Variants in ZNF892 observed in about 807,000 individuals in gnomAD.
ZNF892 encodes zinc finger protein 570-like.
chr2:95,225,127 A>G, the ZNF892 span, among the ~76,000 whole-genome samples: 1 of 152,222 alleles, frequency 6.6e-6, no homozygotes. Context: ...CACTTACCAT[A>G]ATGTTTTCAT....
the ZNF892 span, among the ~76,000 whole-genome samples, chr2:95,241,197 T>G: frequency 1.3e-5 from 2 of 152,176 alleles, no homozygotes; most frequent in African/African-American, 4.8e-5. Flanking sequence ...CTAATCCCAT[T>G]TCTCCTGACT....
At chr2:95,225,323 G>T in the ZNF892 span, among the ~76,000 whole-genome samples, 2 of 152,190 alleles carry the variant, frequency 1.3e-5, no homozygotes. Context: ...ACAGATGGTA[G>T]TTTATAAGGG....
the ZNF892 span, among the ~76,000 whole-genome samples, chr2:95,208,483 C>T: frequency 1.3e-5 from 2 of 152,116 alleles, no homozygotes; most frequent in African/African-American, 4.8e-5. Context: ...TAGGAGGAGC[C>T]TGAGACAGCA....
chr2:95,262,882 A>T, the ZNF892 span, among the ~76,000 whole-genome samples: 4 of 152,268 alleles, frequency 2.6e-5, no homozygotes, highest in Non-Finnish European at 5.9e-5. Context: ...GCAAATAAAG[A>T]CAATAAGGAG....
At chr2:95,253,187 A>T in the ZNF892 span, among the ~76,000 whole-genome samples, 1 of 152,174 alleles carries the variant, frequency 6.6e-6, no homozygotes, top group Non-Finnish European at 1.5e-5. Context: ...GGTATTGCCT[A>T]GGTTTTCTTC....
At chr2:95,221,297 G>T in the ZNF892 span, among the ~76,000 whole-genome samples, 1 of 152,178 alleles carries the variant, frequency 6.6e-6, no homozygotes. Context: ...ATGGAATGAG[G>T]CTTTTTATCT....
At chr2:95,258,762 G>T in the ZNF892 span, among the ~76,000 whole-genome samples, 1 of 152,234 alleles carries the variant, frequency 6.6e-6, no homozygotes, top group East Asian at 1.9e-4. Flanking sequence ...AGCAAATGGG[G>T]CATCTTAACC....
the ZNF892 span, among the ~76,000 whole-genome samples, chr2:95,225,058 G>A: frequency 1.3e-5 from 2 of 152,104 alleles, no homozygotes; most frequent in East Asian, 1.9e-4. Flanking sequence ...ACCCATTATA[G>A]CATTCTGTCA....
At chr2:95,251,859 C>T in the ZNF892 span, among the ~76,000 whole-genome samples, 3 of 152,208 alleles carry the variant, frequency 2.0e-5, no homozygotes, top group East Asian at 1.9e-4. Context: ...GACAAGAAAA[C>T]GAAGACTCTT....
chr2:95,221,442 A>AT, the ZNF892 span, among the ~76,000 whole-genome samples: 1 of 151,974 alleles, frequency 6.6e-6, no homozygotes, highest in South Asian at 2.1e-4. Flanking sequence ...CTGGGATGCA[A>AT]TTTCGTGATT....
At chr2:95,255,648 C>T in the ZNF892 span, among the ~76,000 whole-genome samples, 1 of 152,124 alleles carries the variant, frequency 6.6e-6, no homozygotes, top group Non-Finnish European at 1.5e-5. Flanking sequence ...AACTTTCTGT[C>T]TCATTGATCT....
At chr2:95,207,784 G>T in the ZNF892 span, 3 of 398,658 alleles carry the variant, frequency 7.5e-6, no homozygotes, top group Non-Finnish European at 8.8e-6. Context: ...TGTCGCGGTT[G>T]CCTCCAGCGC....
chr2:95,208,960 TACTGTAATTGGCCTTGGTGA>T, the ZNF892 span, among the ~76,000 whole-genome samples: 1 of 152,206 alleles, frequency 6.6e-6, no homozygotes, highest in Non-Finnish European at 1.5e-5. Context: ...ACACATTGAG[TACTGTAATTGGCCTTGGTGA>T]GATGCAAAGA....
the ZNF892 span, among the ~76,000 whole-genome samples, chr2:95,261,853 C>G: frequency 6.6e-6 from 1 of 152,182 alleles, no homozygotes; most frequent in Non-Finnish European, 1.5e-5. Context: ...TGCGACTGGT[C>G]ATGCATCAAG....
At chr2:95,258,010 G>T in the ZNF892 span, among the ~76,000 whole-genome samples, 90 of 152,238 alleles carry the variant, frequency 5.9e-4, no homozygotes, top group Middle Eastern at 6.8e-3. Context: ...GACCCCTTGC[G>T]CTTCCCGGGT....
chr2:95,263,160 T>C, the ZNF892 span, among the ~76,000 whole-genome samples: 1 of 152,182 alleles, frequency 6.6e-6, no homozygotes, highest in Non-Finnish European at 1.5e-5. Context: ...ATATGGCAGA[T>C]TCAGGAGTCA....
At chr2:95,262,825 T>C in the ZNF892 span, among the ~76,000 whole-genome samples, 5 of 152,216 alleles carry the variant, frequency 3.3e-5, no homozygotes, top group Admixed American at 6.5e-5. Flanking sequence ...ATCCAAGAGA[T>C]ACTTGACACA....
At chr2:95,214,124 T>C in the ZNF892 span, among the ~76,000 whole-genome samples, 1 of 152,224 alleles carries the variant, frequency 6.6e-6, no homozygotes, top group Non-Finnish European at 1.5e-5. Context: ...ACACTCCTTT[T>C]ATGCCGTCGT....
the ZNF892 span, among the ~76,000 whole-genome samples, chr2:95,244,624 A>G: frequency 2.3e-3 from 345 of 152,326 alleles, 11 homozygotes; most frequent in East Asian, 0.065. Context: ...AATATTAGAC[A>G]GATCATTGAG....
Sources: allele counts gnomAD v4.1 joint callset (sites outside exome capture counted in the v4.1 genomes callset), GRCh38; gene constraint gnomAD v4.1.1; transcripts MANE v1.5; gene names NCBI Gene and HGNC (gene_info 2026-07-23, HGNC 2026-07-21).